The following SUGCT variants were observed in gnomAD, a reference collection of about 807,000 sequenced individuals.
The protein encoded by SUGCT is succinyl-CoA:glutarate CoA-transferase.
In SUGCT, 41 loss-of-function variants were observed where a neutral mutation model predicts 55.0. That is an observed-to-expected ratio of 0.74 (90% CI 0.58 to 0.97). The LOEUF (loss-of-function observed/expected upper bound fraction) is 0.97, where lower values mean the gene tolerates loss of function less well. Among genes scored for constraint, SUGCT ranks in the 50% least tolerant of loss-of-function variants. The pLI is 0.00. For synonymous variants in SUGCT, 187 were observed against 200.4 expected, an observed-to-expected ratio of 0.93 and a Z score of 0.56; for missense variants, 568 against 547.8, an observed-to-expected ratio of 1.04 and a Z score of -0.37.
At chr7:40,812,715 G>T (rs1434031851) in intron 13 of SUGCT, among the ~76,000 whole-genome samples, 2 of 151,976 alleles carry the variant, frequency 1.3e-5, no homozygotes, top group Non-Finnish European at 2.9e-5. Context: ...TGGGGTCTCA[G>T]TTTTGTTTGG....
intron 12 of SUGCT, among the ~76,000 whole-genome samples, chr7:40,608,975 T>C (rs1315434638): frequency 6.6e-6 from 1 of 152,222 alleles, no homozygotes; most frequent in Non-Finnish European, 1.5e-5. Flanking sequence ...TGATTTTTTT[T>C]GGTTTTCTCA....
intron 9 of SUGCT, among the ~76,000 whole-genome samples, chr7:40,425,385 T>C (rs1239593225): frequency 6.6e-6 from 1 of 152,096 alleles, no homozygotes; most frequent in Non-Finnish European, 1.5e-5. Flanking sequence ...CAGAATTTTA[T>C]AGCTGGAAGG....
At chr7:40,629,092 T>G (rs527952082) in intron 12 of SUGCT, among the ~76,000 whole-genome samples, 8 of 152,266 alleles carry the variant, frequency 5.3e-5, no homozygotes, top group Admixed American at 4.6e-4. Flanking sequence ...CTGACTGAGT[T>G]AACTTGGGAT....
intron 9 of SUGCT, among the ~76,000 whole-genome samples, chr7:40,403,293 A>G (rs1216203359): frequency 6.6e-6 from 1 of 152,222 alleles, no homozygotes; most frequent in Non-Finnish European, 1.5e-5. Flanking sequence ...GTCAATAAAT[A>G]GAGAGTTCCA....
intron 1 of SUGCT, among the ~76,000 whole-genome samples, chr7:40,141,486 TAGTC>T (rs936016305): frequency 2.6e-5 from 4 of 151,656 alleles, no homozygotes; most frequent in Non-Finnish European, 5.9e-5. Context: ...TACAAAAAAA[TAGTC>T]AGGCGTGGTG....
the SUGCT span, among the ~76,000 whole-genome samples, chr7:40,895,137 A>T: frequency 6.6e-6 from 1 of 152,236 alleles, no homozygotes; most frequent in Non-Finnish European, 1.5e-5. Flanking sequence ...ATAAAAAAGA[A>T]TGAAATTATG....
chr7:40,883,914 C>T, the SUGCT span, among the ~76,000 whole-genome samples: 6 of 152,126 alleles, frequency 3.9e-5, no homozygotes, highest in Admixed American at 3.9e-4. Flanking sequence ...ACAGAGTCTC[C>T]AGTAAATTCA....
At chr7:40,276,407 G>C (rs1238276970) in intron 8 of SUGCT, among the ~76,000 whole-genome samples, 1 of 152,150 alleles carries the variant, frequency 6.6e-6, no homozygotes, top group African/African-American at 2.4e-5. Flanking sequence ...GCAGTCATGG[G>C]TAGCCCTGGG....
At chr7:40,981,599 A>T in the SUGCT span, among the ~76,000 whole-genome samples, 12 of 152,332 alleles carry the variant, frequency 7.9e-5, no homozygotes, top group African/African-American at 2.9e-4. Flanking sequence ...TCTTCAATTT[A>T]TCTCTTTCTT....
intron 12 of SUGCT, among the ~76,000 whole-genome samples, chr7:40,708,642 A>T (rs1049913800): frequency 2.6e-5 from 4 of 152,064 alleles, no homozygotes; most frequent in Admixed American, 2.0e-4. Context: ...ATCTCCTGCC[A>T]CTGACTCCCT....
In SUGCT at chr7:40,148,729, G is replaced by A. The variant is rs183017819; in HGVS notation, c.100+13609G>A. 3.5e-3 allele frequency among the ~76,000 whole-genome samples: 533 copies of A among 152,310 alleles called. 4 individuals carry two copies. Among genetic ancestry groups the A allele is most frequent in the African/African-American group, 0.012 (499 of 41,572 alleles). On this transcript the variant is annotated intron_variant, in intron 1 of 13. Transcript: ENST00000335693. Reference sequence around the variant, plus strand: ...TTATGAGCTCCTATACCATCTTGAAGTTACAGAAAGAATGGGGGATTGGAT... The same window carrying A: ...TTATGAGCTCCTATACCATCTTGAAATTACAGAAAGAATGGGGGATTGGAT...
At chr7:40,593,233 G>A (rs766340037) in intron 12 of SUGCT, among the ~76,000 whole-genome samples, 2 of 152,192 alleles carry the variant, frequency 1.3e-5, no homozygotes, top group Non-Finnish European at 2.9e-5. Context: ...GAGCCCGTGG[G>A]ATTCTAGTGG....
chr7:40,206,122 G>T (rs1427388853), intron 6 of SUGCT, among the ~76,000 whole-genome samples: 1 of 152,196 alleles, frequency 6.6e-6, no homozygotes, highest in Non-Finnish European at 1.5e-5. Context: ...GATCGTGCCA[G>T]ATAAACATGC....
intron 11 of SUGCT, among the ~76,000 whole-genome samples, chr7:40,482,032 G>A (rs887101014): frequency 6.6e-6 from 1 of 152,078 alleles, no homozygotes; most frequent in Non-Finnish European, 1.5e-5. Flanking sequence ...AATGAAACTT[G>A]TTCCGTGAAT....
chr7:40,249,321 A>ATATCTATATATATATATATATATATATC (rs1790162786), intron 7 of SUGCT, among the ~76,000 whole-genome samples: 1 of 109,466 alleles, frequency 9.1e-6, no homozygotes, highest in Admixed American at 9.4e-5. Flanking sequence ...AGCTATATAT[A>ATATCTATATATATATATATATATATATC]TATATATATA....
chr7:40,899,905 A>G, the SUGCT span, among the ~76,000 whole-genome samples: 1 of 152,146 alleles, frequency 6.6e-6, no homozygotes, highest in African/African-American at 2.4e-5. Context: ...CCAGAGTATA[A>G]ATTAAGCTTC....
At chr7:41,033,368 C>A in the SUGCT span, among the ~76,000 whole-genome samples, 8 of 152,146 alleles carry the variant, frequency 5.3e-5, no homozygotes, top group African/African-American at 1.9e-4. Flanking sequence ...TGCTGTATGG[C>A]CATTTAAATT....
intron 1 of SUGCT, among the ~76,000 whole-genome samples, chr7:40,141,202 C>T (rs1204743552): frequency 6.7e-6 from 1 of 150,286 alleles, no homozygotes; most frequent in African/African-American, 2.5e-5. Flanking sequence ...TTTTTTGAGA[C>T]AGTCTTGCTC....
chr7:40,765,396 C>A (rs1000140808), intron 13 of SUGCT, among the ~76,000 whole-genome samples: 1 of 151,098 alleles, frequency 6.6e-6, no homozygotes, highest in African/African-American at 2.4e-5. Flanking sequence ...TTCTTGGTCT[C>A]TTTACATTCA....
Sources: allele counts gnomAD v4.1 joint callset (sites outside exome capture counted in the v4.1 genomes callset), GRCh38; gene constraint gnomAD v4.1.1; transcripts MANE v1.5; gene names NCBI Gene and HGNC (gene_info 2026-07-23, HGNC 2026-07-21).